PHACTR1: variants seen among roughly 807,000 people sequenced by gnomAD.
PHACTR1 encodes the protein phosphatase and actin regulator 1.
Under a neutral mutation model 69.2 loss-of-function variants are expected in PHACTR1, and 16 were observed. The observed-to-expected ratio is 0.23, with a 90% CI of 0.16 to 0.35. PHACTR1 has a LOEUF of 0.35. Ranked by LOEUF, PHACTR1 falls within the 10% of genes least tolerant of loss-of-function variation. The pLI, the probability that PHACTR1 is intolerant of heterozygous loss-of-function variation, is 1.00. For synonymous variants in PHACTR1, 312 were observed against 284.5 expected, an observed-to-expected ratio of 1.10 and a Z score of -0.97; for missense variants, 510 against 734.7, an observed-to-expected ratio of 0.69 and a Z score of 3.54.
At chr6:13,229,718 G>A (rs888117121) in intron 9 of PHACTR1, among the ~76,000 whole-genome samples, 1 of 152,156 alleles carries the variant, frequency 6.6e-6, no homozygotes, top group African/African-American at 2.4e-5. Flanking sequence ...AAAAGCCTCT[G>A]TCCTATCTCC....
intron 4 of PHACTR1, among the ~76,000 whole-genome samples, chr6:12,762,881 C>G (rs956147739): frequency 2.0e-5 from 3 of 152,140 alleles, no homozygotes; most frequent in African/African-American, 4.8e-5. Flanking sequence ...CTCTTGACTG[C>G]CAAAATCTGA....
chr6:12,979,354 A>G (rs1795238791), intron 4 of PHACTR1, among the ~76,000 whole-genome samples: 1 of 152,196 alleles, frequency 6.6e-6, no homozygotes, highest in Non-Finnish European at 1.5e-5. Flanking sequence ...GCGGTGCTGC[A>G]CCAGGCATTG....
chr6:13,222,632 G>T (rs1410413438), intron 8 of PHACTR1, among the ~76,000 whole-genome samples: 1 of 152,242 alleles, frequency 6.6e-6, no homozygotes, highest in Non-Finnish European at 1.5e-5. Context: ...AATGCAGCAA[G>T]CAGCAAAGCC....
chr6:13,012,580 G>A (rs1182331040), intron 4 of PHACTR1, among the ~76,000 whole-genome samples: 1 of 152,212 alleles, frequency 6.6e-6, no homozygotes, highest in Non-Finnish European at 1.5e-5. Flanking sequence ...CTCCATTTAT[G>A]CTTTGCATTG....
At chr6:12,781,946 A>G (rs1206533405) in intron 4 of PHACTR1, among the ~76,000 whole-genome samples, 2 of 152,198 alleles carry the variant, frequency 1.3e-5, no homozygotes, top group Admixed American at 1.3e-4. Flanking sequence ...CACTCAAACG[A>G]TGGCCTATCT....
intron 4 of PHACTR1, among the ~76,000 whole-genome samples, chr6:12,783,869 G>C (rs1771139175): frequency 1.3e-5 from 2 of 152,030 alleles, no homozygotes; most frequent in African/African-American, 2.4e-5. Flanking sequence ...GTAGGTAATT[G>C]CTGTAGAAAT....
At chr6:12,728,582 C>A (rs992035419) in intron 3 of PHACTR1, among the ~76,000 whole-genome samples, 6 of 152,092 alleles carry the variant, frequency 3.9e-5, no homozygotes, top group African/African-American at 1.4e-4. Context: ...GTTATTTAAT[C>A]TCTCTCTGCC....
intron 4 of PHACTR1, among the ~76,000 whole-genome samples, chr6:12,750,909 T>C (rs1183839754): frequency 6.6e-6 from 1 of 152,236 alleles, no homozygotes; most frequent in Non-Finnish European, 1.5e-5. Context: ...CAAAATAAGT[T>C]ATAAAGCAGA....
intron 4 of PHACTR1, among the ~76,000 whole-genome samples, chr6:12,765,574 T>A (rs548367476): frequency 1.3e-5 from 2 of 152,270 alleles, no homozygotes; most frequent in Admixed American, 6.5e-5. Context: ...GGTCCTTGAT[T>A]TATTCTGGCA....
chr6:12,881,977 G>A (rs963902796), intron 4 of PHACTR1, among the ~76,000 whole-genome samples: 13 of 152,152 alleles, frequency 8.5e-5, no homozygotes, highest in African/African-American at 3.1e-4. Flanking sequence ...GTGTCCTGAA[G>A]ACCAAGGCAG....
At chr6:12,945,148 A>G (rs1004556991) in intron 4 of PHACTR1, among the ~76,000 whole-genome samples, 2 of 152,048 alleles carry the variant, frequency 1.3e-5, no homozygotes, top group Non-Finnish European at 2.9e-5. Context: ...GCCCCTGACT[A>G]CATTCTTCCC....
intron 4 of PHACTR1, among the ~76,000 whole-genome samples, chr6:12,986,536 T>C (rs973511076): frequency 1.3e-5 from 2 of 152,068 alleles, no homozygotes; most frequent in Non-Finnish European, 2.9e-5. Context: ...TTCCCCCCAG[T>C]GTTTGTTTGA....
At chr6:12,954,431 G>A (rs1407055052) in intron 4 of PHACTR1, among the ~76,000 whole-genome samples, 1 of 151,730 alleles carries the variant, frequency 6.6e-6, no homozygotes, top group African/African-American at 2.4e-5. Context: ...GAGTCAGGAG[G>A]GCCAGGCAGG....
intron 4 of PHACTR1, among the ~76,000 whole-genome samples, chr6:12,924,952 T>A (rs929823907): frequency 2.0e-5 from 3 of 152,152 alleles, no homozygotes; most frequent in African/African-American, 7.2e-5. Context: ...GCATTACCCC[T>A]CAATACATAC....
chr6:13,171,426 C>G (rs1180458352), intron 6 of PHACTR1, among the ~76,000 whole-genome samples: 1 of 152,230 alleles, frequency 6.6e-6, no homozygotes, highest in African/African-American at 2.4e-5. Flanking sequence ...TTTAACCTCT[C>G]TGTTCCAGAA....
chr6:12,791,152 C>A (rs549942473), intron 4 of PHACTR1, among the ~76,000 whole-genome samples: 1 of 152,230 alleles, frequency 6.6e-6, no homozygotes, highest in Non-Finnish European at 1.5e-5. Flanking sequence ...GAGATTTATA[C>A]AAAATGCTAT....
intron 4 of PHACTR1, among the ~76,000 whole-genome samples, chr6:12,800,781 G>T (rs1386006781): frequency 1.3e-5 from 2 of 152,012 alleles, no homozygotes. Context: ...CCAGCTCTTT[G>T]GGAGGCTGAG....
chr6:12,985,537 A>T (rs934906718), intron 4 of PHACTR1, among the ~76,000 whole-genome samples: 421 of 137,036 alleles, frequency 3.1e-3, no homozygotes, highest in Middle Eastern at 0.011. Flanking sequence ...TTAAAAAAAA[A>T]AAAAATATAT....
chr6:13,192,001 G>A (rs931040495), intron 7 of PHACTR1, among the ~76,000 whole-genome samples: 4 of 152,208 alleles, frequency 2.6e-5, no homozygotes, highest in African/African-American at 9.6e-5. Context: ...AGGGCAAAGA[G>A]CGTAGCAAAA....
Sources: gnomAD v4.1 joint callset for allele counts (sites outside exome capture counted in the v4.1 genomes callset) on GRCh38, gnomAD v4.1.1 for gene constraint, MANE v1.5 for transcripts, NCBI Gene and HGNC (gene_info 2026-07-23, HGNC 2026-07-21) for gene names.